The following UBR3 variants were observed in gnomAD, a reference collection of about 807,000 sequenced individuals.
UBR3 encodes the protein ubiquitin protein ligase E3 component n-recognin 3.
In UBR3, 85 loss-of-function variants were observed where a neutral mutation model predicts 243.2. The ratio of observed to expected loss-of-function variants is 0.35; its 90% CI spans 0.29 to 0.42. The LOEUF is 0.42. UBR3 is among the 10% of genes least tolerant of loss of function. The pLI, the probability that UBR3 is intolerant of heterozygous loss-of-function variation, is 1.00. For synonymous variants in UBR3, 748 were observed against 799.8 expected, an observed-to-expected ratio of 0.94 and a Z score of 1.09; for missense variants, 1,686 against 2,300.8, an observed-to-expected ratio of 0.73 and a Z score of 5.47.
chr2:169,962,598 T>C (rs375658443), intron 24 of UBR3, among the ~76,000 whole-genome samples: 5 of 152,208 alleles, frequency 3.3e-5, no homozygotes, highest in African/African-American at 7.2e-5. Flanking sequence ...ATCTCCTAGA[T>C]TGATCTTTTA....
In UBR3 at chr2:169,872,361, G is replaced by A; in HGVS notation, c.671G>A (p.Gly224Asp). 2 of 1,475,238 alleles carry A rather than the reference G, an allele frequency of 1.4e-6. No homozygotes were observed. The highest frequency in any genetic ancestry group is 2.6e-5 in the East Asian group (1 of 39,056). 91.4% of individuals were successfully genotyped at this position (1,475,238 alleles called of 1,614,324 possible). Residue 224 changes from glycine (G) to aspartate (D), a missense_variant, in exon 2 of 39, where the codon GGC becomes GAC. This residue lies in a region of UBR3 where 200 missense variants were observed against 231.6 expected (regional missense o/e 0.86). Coordinates refer to ENST00000272793, the MANE Select transcript of UBR3 (RefSeq NM_172070.4). Reference protein sequence around the residue: ...IFCLIQYLREGYNEPAADGPS... With the variant: ...IFCLIQYLREDYNEPAADGPS... ...TGTCTTATTCAGTACTTAAGAGAAG[G>A]CTATAATGAACCAGGTATGTTTTAA...
intron 23 of UBR3, among the ~76,000 whole-genome samples, chr2:169,953,321 G>A (rs2087123740): frequency 6.6e-6 from 1 of 152,030 alleles, no homozygotes. Context: ...GTTTCGTTTT[G>A]GATTTTCATA....
At chr2:170,039,024 C>T (rs999028715) in intron 31 of UBR3, among the ~76,000 whole-genome samples, 3 of 152,012 alleles carry the variant, frequency 2.0e-5, no homozygotes, top group Non-Finnish European at 4.4e-5. Flanking sequence ...ATACAGTCAT[C>T]AGTGTATAGC....
intron 11 of UBR3, among the ~76,000 whole-genome samples, chr2:169,920,839 T>A (rs1438190415): frequency 6.6e-6 from 1 of 152,050 alleles, no homozygotes; most frequent in Non-Finnish European, 1.5e-5. Flanking sequence ...TCTCTGTGTG[T>A]GGTTGAGGTG....
At chr2:169,992,345 A>G (rs922367224) in intron 25 of UBR3, among the ~76,000 whole-genome samples, 9 of 152,328 alleles carry the variant, frequency 5.9e-5, no homozygotes, top group East Asian at 3.9e-4. Context: ...ATTAACACCA[A>G]TGCTTCTCAA....
At chr2:169,948,680 G>C (rs760542586) in intron 22 of UBR3, among the ~76,000 whole-genome samples, 15 of 152,128 alleles carry the variant, frequency 9.9e-5, no homozygotes, top group Non-Finnish European at 2.2e-4. Flanking sequence ...TGCTGGTAGA[G>C]AGTACTTTAA....
At chr2:169,940,641 A>G (rs1296228280) in intron 19 of UBR3, among the ~76,000 whole-genome samples, 2 of 152,158 alleles carry the variant, frequency 1.3e-5, no homozygotes, top group Non-Finnish European at 2.9e-5. Context: ...CTGTTTACCA[A>G]TGTTTTTCTG....
chr2:169,888,567 A>G (rs974031935), intron 5 of UBR3, among the ~76,000 whole-genome samples: 8 of 152,184 alleles, frequency 5.3e-5, no homozygotes, highest in African/African-American at 9.7e-5. Context: ...AACATCTATA[A>G]AAAGGAATAT....
chr2:170,055,358 A>G lies in UBR3; in HGVS notation c.4661-102A>G, dbSNP rs139071957. ...AAAAAAACTATTAAGTGTTGAAAACAAAAACCAATTACATATGCAAGGAAA... is the reference window on the plus strand; with the variant it reads ...AAAAAAACTATTAAGTGTTGAAAACGAAAACCAATTACATATGCAAGGAAA... On this transcript the variant is annotated intron_variant, in intron 32 of 38. Transcript: ENST00000272793. The G allele has an allele frequency of 2.2e-3, 3,069 of 1,412,696 alleles. 76 individuals are homozygous for G. In the African/African-American group the frequency reaches 0.039, roughly 18 times the overall value. 87.5% of individuals were successfully genotyped at this position (1,412,696 alleles called of 1,614,324 possible).
chr2:169,982,584 GTAGATAT>G (rs1387115912), intron 24 of UBR3, among the ~76,000 whole-genome samples: 1 of 152,020 alleles, frequency 6.6e-6, no homozygotes, highest in Non-Finnish European at 1.5e-5. Flanking sequence ...TGTAAAATAA[GTAGATAT>G]TAAAGATAAA....
chr2:170,034,264 A>C (rs1238537675), intron 31 of UBR3, among the ~76,000 whole-genome samples: 2 of 151,954 alleles, frequency 1.3e-5, no homozygotes, highest in Non-Finnish European at 2.9e-5. Flanking sequence ...GTGCAATGAC[A>C]TTTGGCCACC....
chr2:170,054,302 G>A (rs7572986), intron 32 of UBR3, among the ~76,000 whole-genome samples: 40,138 of 145,606 alleles, frequency 0.28, 5,703 homozygotes, highest in South Asian at 0.42. Context: ...TTTTTTTGGA[G>A]ACAGAGTCTC....
chr2:170,006,945 A>G (rs144548936), intron 27 of UBR3, 45 bp from the exon 28 acceptor site: 37 of 1,560,396 alleles, frequency 2.4e-5, no homozygotes, highest in East Asian at 4.5e-5. Context: ...TTTGTTTTCT[A>G]TGAATGTGTA....
intron 5 of UBR3, among the ~76,000 whole-genome samples, chr2:169,880,454 C>G (rs1243244046): frequency 6.6e-6 from 1 of 152,146 alleles, no homozygotes; most frequent in Non-Finnish European, 1.5e-5. Context: ...GATGCCTTCT[C>G]CTCTGTCTAG....
chr2:170,000,641 A>T (rs184727449), intron 26 of UBR3, among the ~76,000 whole-genome samples: 1 of 152,340 alleles, frequency 6.6e-6, no homozygotes, highest in East Asian at 1.9e-4. Context: ...TGTCTGTGGG[A>T]CATTAAACTG....
At chr2:169,832,853 A>G (rs1407899492) in intron 1 of UBR3, among the ~76,000 whole-genome samples, 2 of 151,678 alleles carry the variant, frequency 1.3e-5, no homozygotes, top group African/African-American at 4.8e-5. Context: ...GAATTGCTTG[A>G]ACCCAGGAGG....
rs189567907 is a variant in UBR3 at position 169,899,850 on chromosome 2, A to G, written c.1465+3115A>G. On this transcript the variant is annotated intron_variant, in intron 8 of 38. Coordinates refer to ENST00000272793, the MANE Select transcript of UBR3 (RefSeq NM_172070.4). The stretch of plus-strand genomic sequence containing the variant: ...AAACTCATCCTTTTTTATGGCTGCA[A>G]TAGTATTCCATGGTGTATATGTGCC... Among the ~76,000 whole-genome samples the G allele has an allele frequency of 5.4e-3, 822 of 152,182 alleles. 9 individuals are homozygous for G. The highest frequency in any genetic ancestry group is 0.027 in the Middle Eastern group (8 of 294).
At chr2:169,923,826 A>G (rs1318455011) in intron 11 of UBR3, 103 bp from the exon 12 acceptor site, 12 of 956,722 alleles carry the variant, frequency 1.3e-5, no homozygotes, top group Non-Finnish European at 1.8e-5. Flanking sequence ...AACTAAAAGT[A>G]TAGGAATAAA....
chr2:169,872,821 A>G (rs2105310347), intron 2 of UBR3, among the ~76,000 whole-genome samples: 1 of 152,102 alleles, frequency 6.6e-6, no homozygotes, highest in Middle Eastern at 3.4e-3. Context: ...ATAACTTATG[A>G]TAGGGTCAAA....
Sources: allele counts gnomAD v4.1 joint callset (sites outside exome capture counted in the v4.1 genomes callset), GRCh38; gene constraint gnomAD v4.1.1; regional missense constraint gnomAD v4.1.1; transcripts MANE v1.5; gene names NCBI Gene and HGNC (gene_info 2026-07-23, HGNC 2026-07-21).